Variants in NR2C2 observed in about 807,000 individuals in gnomAD.
The protein encoded by NR2C2 is Nuclear hormone receptor TR4.
NR2C2 carries 6 observed loss-of-function variants against 62.9 expected under a neutral mutation model. The observed-to-expected ratio is 0.10, with a 90% CI of 0.05 to 0.19. The LOEUF is 0.19. NR2C2 is among the 10% of genes least tolerant of loss of function. NR2C2 has a pLI of 1.00. For missense variants in NR2C2, 479 were observed against 762.7 expected (o/e 0.63, Z 4.38); for synonymous variants, 272 against 273.8 (o/e 0.99, Z 0.07).
intron 2 of NR2C2, among the ~76,000 whole-genome samples, chr3:15,009,939 A>G (rs1404125733): frequency 6.6e-6 from 1 of 152,142 alleles, no homozygotes; most frequent in Admixed American, 6.5e-5. Flanking sequence ...CCATTGCCAC[A>G]TGGTCTTCTT....
chr3:14,994,435 CA>C, intron 1 of NR2C2, among the ~76,000 whole-genome samples: 2 of 126,076 alleles, frequency 1.6e-5, no homozygotes, highest in African/African-American at 5.9e-5. Context: ...GTTGTTTATT[CA>C]TTCTTTTTTT....
At chr3:15,035,571 G>A (rs1249619735) in intron 11 of NR2C2, among the ~76,000 whole-genome samples, 1 of 152,216 alleles carries the variant, frequency 6.6e-6, no homozygotes, top group African/African-American at 2.4e-5. Flanking sequence ...AAGGTCCCTG[G>A]CTTGCCCCAG....
intron 2 of NR2C2, among the ~76,000 whole-genome samples, chr3:15,005,368 C>CT (rs761731325): frequency 0.023 from 1,910 of 83,004 alleles, 43 homozygotes; most frequent in African/African-American, 0.053. Flanking sequence ...ACGCATAATG[C>CT]TTTTTTTTTT....
Position 15,016,199 on chromosome 3 carries a change from C to A in NR2C2, c.321C>A (p.Asp107Glu), listed in dbSNP as rs769267226. The A allele has an allele frequency of 1.2e-6, 2 of 1,614,116 alleles. No individual in the cohort carries two copies. The highest frequency in any genetic ancestry group is 3.3e-5 in the Admixed American group (2 of 60,026). The change falls in exon 4 of 14, where the codon GAC becomes GAA. Residue 107 changes from aspartate (D) to glutamate (E), a missense_variant. By Grantham distance (45) the Asp-to-Glu change is conservative. Transcript: ENST00000425241. ...TGGAGCGTTTACTGGGGAAGACGGA[C>A]GTCCAGCGGCCCCAGGTGGTAGAGT... ...ASVERLLGKT[D>E]VQRPQVVEYC...
chr3:14,992,433 C>T (rs181933715), intron 1 of NR2C2, among the ~76,000 whole-genome samples: 285 of 152,256 alleles, frequency 1.9e-3, no homozygotes, highest in African/African-American at 6.4e-3. Flanking sequence ...GGCAGAGTCC[C>T]AGGATCAAAG....
intron 1 of NR2C2, among the ~76,000 whole-genome samples, chr3:14,958,894 T>C (rs908077287): frequency 7.2e-5 from 11 of 152,228 alleles, no homozygotes; most frequent in South Asian, 6.2e-4. Flanking sequence ...GAGAATCGCT[T>C]GAACCAGGGA....
intron 1 of NR2C2, among the ~76,000 whole-genome samples, chr3:14,997,338 A>C (rs1559553675): frequency 6.6e-6 from 1 of 152,210 alleles, no homozygotes; most frequent in Non-Finnish European, 1.5e-5. Flanking sequence ...TGACCTAATG[A>C]CACATTTCTC....
intron 1 of NR2C2, among the ~76,000 whole-genome samples, chr3:14,971,408 G>A (rs1021838633): frequency 7.3e-5 from 11 of 151,644 alleles, no homozygotes; most frequent in South Asian, 2.1e-4. Flanking sequence ...ATAAGCCACC[G>A]TGCCTAGTCT....
chr3:14,968,585 CAG>C (rs1165030718), intron 1 of NR2C2, among the ~76,000 whole-genome samples: 1 of 149,218 alleles, frequency 6.7e-6, no homozygotes, highest in African/African-American at 2.5e-5. Context: ...GGCGATTCCT[CAG>C]GGATCTAGAA....
At chr3:15,004,468 T>A (rs1024602957) in intron 2 of NR2C2, 11 of 1,278,336 alleles carry the variant, frequency 8.6e-6, no homozygotes, top group Non-Finnish European at 1.2e-5. Context: ...CACATAATAA[T>A]GTTCAATATT....
chr3:14,972,995 C>G (rs1248222781), intron 1 of NR2C2, among the ~76,000 whole-genome samples: 2 of 152,194 alleles, frequency 1.3e-5, no homozygotes, highest in Non-Finnish European at 2.9e-5. Flanking sequence ...CTGGGGATTA[C>G]AGTTTGACAT....
intron 1 of NR2C2, among the ~76,000 whole-genome samples, chr3:14,964,581 C>A (rs942065903): frequency 1.3e-5 from 2 of 151,840 alleles, no homozygotes; most frequent in Non-Finnish European, 2.9e-5. Context: ...GTGGTGCGAT[C>A]TCGGCTCACT....
At chr3:14,968,826 T>C (rs1390383010) in intron 1 of NR2C2, among the ~76,000 whole-genome samples, 5 of 142,644 alleles carry the variant, frequency 3.5e-5, no homozygotes, top group Admixed American at 7.1e-5. Context: ...TGAGTTCATG[T>C]CCTTTGTAGG....
At chr3:14,996,140 G>A (rs143041778) in intron 1 of NR2C2, among the ~76,000 whole-genome samples, 46 of 152,010 alleles carry the variant, frequency 3.0e-4, no homozygotes, top group African/African-American at 8.9e-4. Flanking sequence ...CTTTCTTACC[G>A]TCTTGAAGCA....
At chr3:14,965,749 C>T (rs898936719) in intron 1 of NR2C2, among the ~76,000 whole-genome samples, 2 of 151,988 alleles carry the variant, frequency 1.3e-5, no homozygotes, top group South Asian at 4.1e-4. Context: ...CTGCAACCTC[C>T]GCCTCCTGGG....
At chr3:15,037,423 C>T (rs535547357) in intron 11 of NR2C2, among the ~76,000 whole-genome samples, 8 of 152,190 alleles carry the variant, frequency 5.3e-5, no homozygotes, top group African/African-American at 1.7e-4. Flanking sequence ...AAAATATTGT[C>T]ATGAGGATTA....
At chr3:15,018,329 A>G (rs1575012002) in intron 4 of NR2C2, among the ~76,000 whole-genome samples, 2 of 152,120 alleles carry the variant, frequency 1.3e-5, no homozygotes, top group South Asian at 4.1e-4. Flanking sequence ...GATAATTAAA[A>G]GTTGGAGATA....
intron 11 of NR2C2, 147 bp downstream of exon 11, chr3:15,034,956 TC>T: frequency 1.2e-6 from 1 of 801,254 alleles, no homozygotes. Flanking sequence ...AGCCTCAGTT[TC>T]CCACAGCATC....
In NR2C2 at chr3:15,045,628, C is replaced by G. The variant is rs1320869288; in HGVS notation, c.*2620C>G. 1 of 152,658 alleles carries G rather than the reference C, an allele frequency of 6.6e-6. No homozygotes were observed. The highest frequency in any genetic ancestry group is 1.5e-5 in the Non-Finnish European group (1 of 68,042). 9.5% of individuals were successfully genotyped at this position (152,658 alleles called of 1,614,324 possible). On this transcript the variant is annotated 3_prime_UTR_variant, in exon 14 of 14. Coordinates refer to ENST00000425241, the MANE Select transcript of NR2C2 (RefSeq NM_001291694.2). Reference sequence around the variant, plus strand: ...GCTTTAACTCATTTCAAGCCTCTGACTGCAGGTCCATTTCATCTCCTGTCA... The same window carrying G: ...GCTTTAACTCATTTCAAGCCTCTGAGTGCAGGTCCATTTCATCTCCTGTCA...
Sources: gnomAD v4.1 joint callset for allele counts (sites outside exome capture counted in the v4.1 genomes callset) on GRCh38, gnomAD v4.1.1 for gene constraint, MANE v1.5 for transcripts, NCBI Gene and HGNC (gene_info 2026-07-23, HGNC 2026-07-21) for gene names.